The following LRRC4C variants were observed in gnomAD, a reference collection of about 807,000 sequenced individuals.
LRRC4C encodes leucine-rich repeat-containing protein 4C.
In LRRC4C, 5 loss-of-function variants were observed where a neutral mutation model predicts 33.6. That is an observed-to-expected ratio of 0.15 (90% confidence interval 0.08 to 0.31). The LOEUF (loss-of-function observed/expected upper bound fraction) is 0.31, where lower values mean the gene tolerates loss of function less well. LRRC4C is among the 10% of genes least tolerant of loss of function. LRRC4C has a pLI of 1.00. For synonymous variants in LRRC4C, 329 were observed against 302.0 expected (o/e 1.09, Z -0.93); for missense variants, 560 against 796.7 (o/e 0.70, Z 3.58).
At position 40,976,914 on chromosome 11, in the gene LRRC4C, T is replaced by C. The variant is rs562435975; in HGVS notation, c.-495-43191A>G. On this transcript the variant is annotated intron_variant, in intron 1 of 6. Transcript: ENST00000528697. The stretch of plus-strand genomic sequence containing the variant: ...AGTACATTACATTAATTTTGCACTG[T>C]ATTTCTAATATTATTACATAGTAAT... 2.0e-5 allele frequency among the ~76,000 whole-genome samples: 3 copies of C among 152,254 alleles called. No individual in the cohort carries two copies. In the South Asian group the frequency reaches 6.2e-4, roughly 32 times the overall value.
intron 3 of LRRC4C, among the ~76,000 whole-genome samples, chr11:40,458,341 C>G (rs1041445317): frequency 6.6e-6 from 1 of 152,082 alleles, no homozygotes; most frequent in Non-Finnish European, 1.5e-5. Flanking sequence ...TATATAAACC[C>G]TTGTAATCCT....
intron 2 of LRRC4C, among the ~76,000 whole-genome samples, chr11:40,910,708 T>C (rs1157889785): frequency 1.3e-5 from 2 of 152,110 alleles, no homozygotes; most frequent in African/African-American, 2.4e-5. Context: ...TGCAGGACAG[T>C]GGGTGCAGTG....
chr11:40,767,606 A>T (rs1432880084), intron 2 of LRRC4C, among the ~76,000 whole-genome samples: 1 of 152,132 alleles, frequency 6.6e-6, no homozygotes, highest in Non-Finnish European at 1.5e-5. Context: ...TCAGAAAAAA[A>T]TGAAATCATA....
chr11:40,365,652 C>T (rs1948176337), intron 3 of LRRC4C, among the ~76,000 whole-genome samples: 1 of 151,928 alleles, frequency 6.6e-6, no homozygotes, highest in East Asian at 1.9e-4. Context: ...TAGTATGTTA[C>T]AAGAAGTAAA....
At chr11:41,126,380 T>C (rs1032598004) in intron 1 of LRRC4C, among the ~76,000 whole-genome samples, 1 of 151,958 alleles carries the variant, frequency 6.6e-6, no homozygotes. Context: ...AGTCTCCTGA[T>C]CAAGAAGGGT....
At chr11:40,488,475 T>C (rs1953982575) in intron 3 of LRRC4C, among the ~76,000 whole-genome samples, 1 of 137,050 alleles carries the variant, frequency 7.3e-6, no homozygotes, top group South Asian at 2.2e-4. Context: ...TAACAGTACA[T>C]CAACCTTTGC....
chr11:40,981,339 G>C (rs1453716381), intron 1 of LRRC4C, among the ~76,000 whole-genome samples: 1 of 152,018 alleles, frequency 6.6e-6, no homozygotes, highest in Admixed American at 6.6e-5. Context: ...GCTTGAGCCC[G>C]GGAGGCGGAG....
intron 1 of LRRC4C, among the ~76,000 whole-genome samples, chr11:41,184,279 T>A (rs1300032234): frequency 6.6e-6 from 1 of 151,922 alleles, no homozygotes; most frequent in Admixed American, 6.6e-5. Flanking sequence ...TGTCATATTG[T>A]CAGGGTGCAA....
At chr11:40,891,888 C>T (rs1408910987) in intron 2 of LRRC4C, among the ~76,000 whole-genome samples, 3 of 152,072 alleles carry the variant, frequency 2.0e-5, no homozygotes, top group African/African-American at 7.2e-5. Context: ...ATAATCCCAG[C>T]ACTTTGGGAG....
chr11:41,023,227 A>C (rs2137705814), intron 1 of LRRC4C, among the ~76,000 whole-genome samples: 1 of 151,990 alleles, frequency 6.6e-6, no homozygotes, highest in East Asian at 1.9e-4. Flanking sequence ...AAATCATATT[A>C]ACAAATTTAA....
At position 40,602,207 on chromosome 11, in the gene LRRC4C, A is replaced by G. The variant is rs532564453; in HGVS notation, c.-270+45935T>C. On this transcript the variant is annotated intron_variant, in intron 3 of 6. Coordinates refer to ENST00000528697, the MANE Select transcript of LRRC4C (RefSeq NM_001258419.2). ...AGAATCTGTCTCAAAAAAAAAAAAA[A>G]AAAGAAAAAAAAAGAGGTATGTGAA... Among the ~76,000 whole-genome samples, 71 of 117,664 alleles carry G rather than the reference A, an allele frequency of 6.0e-4. 1 individual carries two copies. The highest frequency in any genetic ancestry group is 9.5e-4 in the African/African-American group (36 of 37,890). The allele number at this position is 117,664 out of a possible 152,430, so 77.2% of individuals were successfully genotyped here.
At chr11:40,382,410 A>C (rs906007354) in intron 3 of LRRC4C, among the ~76,000 whole-genome samples, 5 of 151,692 alleles carry the variant, frequency 3.3e-5, no homozygotes, top group Admixed American at 6.6e-5. Flanking sequence ...TGTATATTTA[A>C]AATGTACAAC....
At chr11:41,131,889 A>G (rs1943030472) in intron 1 of LRRC4C, among the ~76,000 whole-genome samples, 1 of 152,124 alleles carries the variant, frequency 6.6e-6, no homozygotes, top group Admixed American at 6.6e-5. Context: ...CAACATCCAG[A>G]AGTTACCCTA....
intron 1 of LRRC4C, among the ~76,000 whole-genome samples, chr11:41,086,221 T>C (rs1272710606): frequency 6.6e-6 from 1 of 152,182 alleles, no homozygotes; most frequent in Non-Finnish European, 1.5e-5. Flanking sequence ...AGATGTGTTA[T>C]AAAGTTGCAT....
chr11:40,491,490 G>T (rs554055151), intron 3 of LRRC4C, among the ~76,000 whole-genome samples: 2 of 152,090 alleles, frequency 1.3e-5, no homozygotes, highest in African/African-American at 4.8e-5. Flanking sequence ...CTCACTTGAG[G>T]CTTGGGGTTC....
chr11:41,425,076 G>C lies in LRRC4C; in HGVS notation c.-496+34355C>G, dbSNP rs557914768. ...TTTCTCATTTTCACTGGCTGTTTCAGGTTATGTTTCACGACCATCAAAAGT... is the reference window on the plus strand; with the variant it reads ...TTTCTCATTTTCACTGGCTGTTTCACGTTATGTTTCACGACCATCAAAAGT... On this transcript the variant is annotated intron_variant, in intron 1 of 6. Coordinates refer to ENST00000528697, the MANE Select transcript of LRRC4C (RefSeq NM_001258419.2). Among the ~76,000 whole-genome samples the C allele has an allele frequency of 3.9e-5, 6 of 152,144 alleles. No homozygotes were observed. In the South Asian group the frequency reaches 1.2e-3, roughly 32 times the overall value.
At chr11:40,858,016 A>AGGAAGGGAAGGGAAG (rs146464048) in intron 2 of LRRC4C, among the ~76,000 whole-genome samples, 10,660 of 139,054 alleles carry the variant, frequency 0.077, 544 homozygotes, top group Admixed American at 0.14. Flanking sequence ...GGACAAGGAA[A>AGGAAGGGAAGGGAAG]GGAAGGGAAG....
chr11:40,380,587 A>G (rs1948826343), intron 3 of LRRC4C, among the ~76,000 whole-genome samples: 1 of 152,136 alleles, frequency 6.6e-6, no homozygotes, highest in Non-Finnish European at 1.5e-5. Flanking sequence ...TATAACTGAG[A>G]TAATAACATC....
chr11:40,578,159 T>TTTTTTTTTTTTTTC (rs1958299466), intron 3 of LRRC4C, among the ~76,000 whole-genome samples: 1 of 121,614 alleles, frequency 8.2e-6, no homozygotes, highest in African/African-American at 2.9e-5. Context: ...TTTTTTTTTT[T>TTTTTTTTTTTTTTC]TTTTTTTTTT....
Sources: gnomAD v4.1 joint callset for allele counts (sites outside exome capture counted in the v4.1 genomes callset) on GRCh38, gnomAD v4.1.1 for gene constraint, MANE v1.5 for transcripts, NCBI Gene and HGNC (gene_info 2026-07-23, HGNC 2026-07-21) for gene names.